RYR1: variants seen among roughly 807,000 people sequenced by gnomAD.
RYR1 encodes the protein ryanodine receptor 1.
Under a neutral mutation model 583.5 loss-of-function variants are expected in RYR1, and 342 were observed. The ratio of observed to expected loss-of-function variants is 0.59; its 90% CI spans 0.54 to 0.64. RYR1 has a LOEUF of 0.64. Ranked by LOEUF, RYR1 falls within the 30% of genes least tolerant of loss-of-function variation. RYR1 has a pLI of 0.00. For missense variants in RYR1, 6,032 were observed against 6,917.2 expected (o/e 0.87, Z 4.54); for synonymous variants, 2,791 against 2,822.5 (o/e 0.99, Z 0.35).
At chr19:38,541,289 G>A (rs1259219434) in intron 84 of RYR1, among the ~76,000 whole-genome samples, 1 of 152,192 alleles carries the variant, frequency 6.6e-6, no homozygotes, top group African/African-American at 2.4e-5. Context: ...TTCTTCTTTT[G>A]TAGTTAACTA....
chr19:38,553,688 GAAGTGAGAAGTC>G (rs1160979985), intron 89 of RYR1, among the ~76,000 whole-genome samples: 2 of 152,148 alleles, frequency 1.3e-5, no homozygotes, highest in African/African-American at 4.8e-5. Context: ...AGCAAGGCGT[GAAGTGAGAAGTC>G]TTACTCCTGC....
chr19:38,467,762 G>A lies in RYR1; in HGVS notation c.3331G>A (p.Asp1111Asn), dbSNP rs1968187377. 5 of 1,614,200 alleles carry A rather than the reference G, an allele frequency of 3.1e-6. No homozygotes were observed. The East Asian group carries it at 8.9e-5, about 29-fold the overall frequency. ...VGWARPELRP[D>N]VELGADELAY... The stretch of plus-strand genomic sequence containing the variant: ...CTGGGCGAGGCCCGAGCTGAGGCCT[G>A]ATGTAGAGCTGGGAGCTGACGAGCT... The change falls in exon 25 of 106, where the codon GAT (aspartate) becomes AAT (asparagine). Residue 1111 changes from aspartate (D) to asparagine (N), a missense_variant. By Grantham distance (23) the Asp-to-Asn change is conservative. Coordinates refer to ENST00000359596, the MANE Select transcript of RYR1 (RefSeq NM_000540.3).
chr19:38,451,928 C>T (rs1426608064), intron 12 of RYR1, 43 bp downstream of exon 12: 3 of 1,613,602 alleles, frequency 1.9e-6, no homozygotes, highest in African/African-American at 1.3e-5. Context: ...CCTGTGCTGT[C>T]CCATGCTCCG....
chr19:38,496,187 T>A lies in RYR1; in HGVS notation c.6549-28T>A. 6.2e-7 allele frequency: 1 copy of A among 1,600,430 alleles called. No homozygotes were observed. Among genetic ancestry groups the A allele is most frequent in the African/African-American group, 1.3e-5 (1 of 74,804 alleles). On this transcript the variant is annotated intron_variant, in intron 39 of 105. Transcript: ENST00000359596. The surrounding 1 kb of genome is among the most constrained non-coding windows in gnomAD (Gnocchi z 4.8). The stretch of plus-strand genomic sequence containing the variant: ...GCCCTCTCCGGACCTGGGCCCCTGG[T>A]GACCCCGCACACTCTGCCCGTGCAC...
At chr19:38,570,503 T>C in intron 93 of RYR1, 104 bp from the exon 94 acceptor site, 1 of 769,554 alleles carries the variant, frequency 1.3e-6, no homozygotes, top group Non-Finnish European at 2.3e-6. Context: ...GTAGGAAAGA[T>C]ATTGAGAGCC....
chr19:38,498,852 G>A (rs945446403), intron 42 of RYR1, among the ~76,000 whole-genome samples: 5 of 152,154 alleles, frequency 3.3e-5, no homozygotes, highest in African/African-American at 1.2e-4. Context: ...TGTATCTTGT[G>A]CCAACCTTCT....
At chr19:38,553,334 C>CAAAA (rs566497167) in intron 89 of RYR1, among the ~76,000 whole-genome samples, 1 of 80,946 alleles carries the variant, frequency 1.2e-5, no homozygotes, top group Non-Finnish European at 2.5e-5. Context: ...GACTCCATAT[C>CAAAA]AAAAAAAAAA....
At position 38,494,261 on chromosome 19, in the gene RYR1, A is replaced by C; in HGVS notation, c.6275-91A>C. ...TAGTAACTGGGAAAACTTCTGGAAC[A>C]GGGGGCCCCTTCCACATTGTTCTGG... On this transcript the variant is annotated intron_variant, in intron 38 of 105. Coordinates refer to ENST00000359596, the MANE Select transcript of RYR1 (RefSeq NM_000540.3). 6 of 1,517,944 alleles carry C rather than the reference A, an allele frequency of 4.0e-6. No homozygotes were observed. The South Asian group carries it at 6.8e-5, about 17-fold the overall frequency. The allele number at this position is 1,517,944 out of a possible 1,614,324, so 94.0% of individuals were successfully genotyped here.
chr19:38,541,348 A>G (rs1403595521), intron 84 of RYR1, among the ~76,000 whole-genome samples: 2 of 152,226 alleles, frequency 1.3e-5, no homozygotes, highest in Admixed American at 6.5e-5. Flanking sequence ...AGAGTAAGGC[A>G]ATGTGAAACT....
intron 54 of RYR1, 57 bp downstream of exon 54, chr19:38,506,003 A>G: frequency 6.3e-7 from 1 of 1,594,080 alleles, no homozygotes; most frequent in Non-Finnish European, 8.5e-7. Flanking sequence ...GTCTAGAACA[A>G]GGGGCATGGC....
At chr19:38,568,904 T>C (rs1352637847) in intron 93 of RYR1, among the ~76,000 whole-genome samples, 1 of 152,140 alleles carries the variant, frequency 6.6e-6, no homozygotes. Context: ...GCGAGGGGGC[T>C]CATGCCTGTA....
At chr19:38,539,471 C>T (rs1343368049) in intron 84 of RYR1, among the ~76,000 whole-genome samples, 1 of 151,988 alleles carries the variant, frequency 6.6e-6, no homozygotes, top group Admixed American at 6.6e-5. Flanking sequence ...CTCCTGGATT[C>T]AAGCAATCCT....
In RYR1 at chr19:38,508,915, C is replaced by T. The variant is rs575914858; in HGVS notation, c.8932+1088C>T. On this transcript the variant is annotated intron_variant, in intron 58 of 105. Coordinates refer to ENST00000359596, the MANE Select transcript of RYR1 (RefSeq NM_000540.3). ...GCTTGACTGGGGTGGGGACAGGAGC[C>T]GAAAAGGGTGAGAACTGGGCAGATT... Among the ~76,000 whole-genome samples the T allele has an allele frequency of 7.2e-5, 11 of 152,130 alleles. No homozygotes were observed. The East Asian group carries it at 1.7e-3, about 24-fold the overall frequency.
rs753428495 is a variant in RYR1, at chr19:38,466,205, G to C, written c.2985G>C (p.Trp995Cys). Residue 995 changes from tryptophan to cysteine, a missense_variant, in exon 24 of 106, where the codon TGG (tryptophan) becomes TGC (cysteine). By Grantham distance (215) the Trp-to-Cys change is radical. Coordinates refer to ENST00000359596, the MANE Select transcript of RYR1 (RefSeq NM_000540.3). ...TGGCAGAAAATGGGCACAACGTGTG[G>C]GCCCGAGACCGCGTGGGCCAGGGCT... is the stretch of plus-strand genomic sequence containing the variant. ...DRLAENGHNVWARDRVGQGWS... is the reference protein window; with the variant it reads ...DRLAENGHNVCARDRVGQGWS... 2.5e-6 allele frequency: 4 copies of C among 1,613,382 alleles called. No homozygotes were observed. The East Asian group carries it at 8.9e-5, about 36-fold the overall frequency.
chr19:38,444,746 C>T lies in RYR1; in HGVS notation c.631+69C>T. ...CAGACCCTTAATGTTGCCCTTCAGGCATACCCAAATGGAGCCTTGGAACCT... is the reference window on the plus strand; with the variant it reads ...CAGACCCTTAATGTTGCCCTTCAGGTATACCCAAATGGAGCCTTGGAACCT... On this transcript the variant is annotated intron_variant, in intron 7 of 105. Transcript: ENST00000359596. The surrounding 1 kb of genome is among the most constrained non-coding windows in gnomAD (Gnocchi z 5.1). The T allele has an allele frequency of 2.4e-6, 3 of 1,225,614 alleles. No individual in the cohort carries two copies. The highest frequency in any genetic ancestry group is 3.5e-6 in the Non-Finnish European group (3 of 849,252). 75.9% of individuals were successfully genotyped at this position (1,225,614 alleles called of 1,614,324 possible).
intron 70 of RYR1, among the ~76,000 whole-genome samples, chr19:38,524,924 G>A (rs775303290): frequency 2.6e-5 from 4 of 152,082 alleles, no homozygotes; most frequent in African/African-American, 4.8e-5. Context: ...CCAGAACGGG[G>A]GAAAATCTGG....
In RYR1 at chr19:38,515,095, C is replaced by T. The variant is rs756135270; in HGVS notation, c.9542C>T (p.Thr3181Ile). 3.8e-6 allele frequency: 6 copies of T among 1,590,330 alleles called. No homozygotes were observed. The highest frequency in any genetic ancestry group is 1.4e-5 in the African/African-American group (1 of 73,684). Residue 3181 changes from threonine to isoleucine, a missense_variant, in exon 64 of 106, where the codon ACT (threonine) becomes ATT (isoleucine). This residue lies in a region of RYR1 where 1,493 missense variants were observed against 1,715.5 expected (regional missense o/e 0.87). Transcript: ENST00000359596. Reference protein sequence around the residue: ...SIYSLGTTKNTYVEKLRPALG... With the variant: ...SIYSLGTTKNIYVEKLRPALG... ...TACTCCCTGGGAACCACCAAGAACA[C>T]TTATGTGGAAAAGTAAGGAGAGGGA...
At chr19:38,461,270 A>C (rs1279096439) in intron 20 of RYR1, among the ~76,000 whole-genome samples, 3 of 152,234 alleles carry the variant, frequency 2.0e-5, no homozygotes, top group Non-Finnish European at 4.4e-5. Flanking sequence ...CCGTCTTTAT[A>C]GAAAAAAATT....
chr19:38,458,709 CT>C lies in RYR1; in HGVS notation c.2167+418del, dbSNP rs569680207. ...GCATGATCTCAGCTCACTGCAACCT[CT>C]GCCTCTCGGGTTCAAGTAATTCTCC... is the stretch of plus-strand genomic sequence containing the variant. On this transcript the variant is annotated intron_variant, in intron 18 of 105. Transcript: ENST00000359596. 5.2e-4 allele frequency among the ~76,000 whole-genome samples: 79 copies of C among 152,320 alleles called. No homozygotes were observed. In the East Asian group the frequency reaches 0.013, roughly 24 times the overall value.
Sources: gnomAD v4.1 joint callset for allele counts (sites outside exome capture counted in the v4.1 genomes callset) on GRCh38, gnomAD v4.1.1 for gene constraint, gnomAD v4.1.1 regional missense constraint, Gnocchi (gnomAD v3.1) non-coding constraint, MANE v1.5 for transcripts, NCBI Gene and HGNC (gene_info 2026-07-23, HGNC 2026-07-21) for gene names.